Variants in RCBTB1 observed in about 807,000 individuals in gnomAD.
The protein encoded by RCBTB1 is RCC1 and BTB domain-containing protein 1.
RCBTB1 carries 46 observed loss-of-function variants against 62.4 expected under a neutral mutation model. The observed-to-expected ratio is 0.74, with a 90% CI of 0.58 to 0.94. The LOEUF (loss-of-function observed/expected upper bound fraction) is 0.94, where lower values mean the gene tolerates loss of function less well. Ranked by LOEUF, RCBTB1 falls within the 40% of genes least tolerant of loss-of-function variation. The probability of loss-of-function intolerance (pLI) is 0.00; values close to 1 mark genes in which losing one functional copy is unlikely to be tolerated. For synonymous variants in RCBTB1, 222 were observed against 245.8 expected, an observed-to-expected ratio of 0.90 and a Z score of 0.91; for missense variants, 565 against 654.9, an observed-to-expected ratio of 0.86 and a Z score of 1.50.
intron 9 of RCBTB1, among the ~76,000 whole-genome samples, chr13:49,547,825 G>C (rs539802390): frequency 6.6e-6 from 1 of 152,262 alleles, no homozygotes; most frequent in East Asian, 1.9e-4. Context: ...GTCTCGCTGT[G>C]TCACCCAGGC....
chr13:49,543,547 T>C (rs1332825820), intron 10 of RCBTB1, among the ~76,000 whole-genome samples: 1 of 152,236 alleles, frequency 6.6e-6, no homozygotes, highest in African/African-American at 2.4e-5. Flanking sequence ...TCTTTGCCAA[T>C]AGGTTTTTAC....
intron 11 of RCBTB1, among the ~76,000 whole-genome samples, chr13:49,541,352 G>A (rs1960347145): frequency 6.6e-6 from 1 of 151,746 alleles, no homozygotes; most frequent in Non-Finnish European, 1.5e-5. Context: ...TGGGTTGACA[G>A]GTACAGCAAA....
chr13:49,539,388 A>G (rs1643922137), intron 12 of RCBTB1: 1 of 152,228 alleles, frequency 6.6e-6, no homozygotes, highest in Admixed American at 6.5e-5. Flanking sequence ...CTGGCACAGG[A>G]AGCAGCAGCA....
chr13:49,559,967 TCCA>T lies in RCBTB1; in HGVS notation c.392_394del (p.Val131del). 1 of 1,614,142 alleles carries T rather than the reference TCCA, an allele frequency of 6.2e-7. No homozygotes were observed. Among genetic ancestry groups the T allele is most frequent in the Non-Finnish European group, 8.5e-7 (1 of 1,180,000 alleles). ...TGAATGATGTGAGCCACAAGCTACT[TCCA>T]CCACTTGCTTGATCAAGAGATTGGT... On this transcript the variant is annotated inframe_deletion, in exon 5 of 13. Coordinates refer to ENST00000378302, the MANE Select transcript of RCBTB1 (RefSeq NM_018191.4).
At chr13:49,550,806 C>T (rs1004318729) in intron 8 of RCBTB1, among the ~76,000 whole-genome samples, 1 of 152,138 alleles carries the variant, frequency 6.6e-6, no homozygotes, top group Non-Finnish European at 1.5e-5. Context: ...CTACTCAAAA[C>T]ACTTTTGCAT....
intron 12 of RCBTB1, among the ~76,000 whole-genome samples, chr13:49,538,410 GA>G (rs1401619390): frequency 6.6e-6 from 1 of 152,134 alleles, no homozygotes; most frequent in Non-Finnish European, 1.5e-5. Context: ...TGTAACCTAA[GA>G]AATACACCCT....
At chr13:49,553,394 C>T (rs554838595) in intron 6 of RCBTB1, among the ~76,000 whole-genome samples, 1 of 152,196 alleles carries the variant, frequency 6.6e-6, no homozygotes, top group East Asian at 1.9e-4. Flanking sequence ...TAGGTGAGCT[C>T]TGATGAGGCT....
intron 4 of RCBTB1, among the ~76,000 whole-genome samples, chr13:49,561,094 A>T (rs1183192475): frequency 1.3e-5 from 2 of 152,154 alleles, no homozygotes; most frequent in Non-Finnish European, 2.9e-5. Context: ...TTCTTTCCAC[A>T]GCACCCCCGA....
chr13:49,554,758 T>G (rs563540982), intron 6 of RCBTB1, among the ~76,000 whole-genome samples: 1 of 152,330 alleles, frequency 6.6e-6, no homozygotes, highest in East Asian at 1.9e-4. Flanking sequence ...TGGAACAGTT[T>G]CATCCCAAAA....
At chr13:49,578,709 G>A (rs563035910) in intron 2 of RCBTB1, among the ~76,000 whole-genome samples, 11 of 152,190 alleles carry the variant, frequency 7.2e-5, no homozygotes, top group Non-Finnish European at 1.6e-4. Context: ...ACAATTACAC[G>A]AAATCCCAGA....
intron 12 of RCBTB1, among the ~76,000 whole-genome samples, chr13:49,536,172 AT>A (rs1959928696): frequency 6.6e-6 from 1 of 152,314 alleles, no homozygotes; most frequent in Admixed American, 6.5e-5. Flanking sequence ...GTATCTGGGT[AT>A]GCAATAAATA....
intron 10 of RCBTB1, among the ~76,000 whole-genome samples, chr13:49,544,149 A>G (rs1224329564): frequency 1.3e-5 from 2 of 152,214 alleles, no homozygotes; most frequent in Non-Finnish European, 2.9e-5. Flanking sequence ...TCTGATGGAA[A>G]TGAGTATTCA....
At chr13:49,550,485 G>A (rs942871) in intron 8 of RCBTB1, 622,770 of 926,158 alleles carry the variant, frequency 0.67, 213,340 homozygotes, top group Admixed American at 0.7. Context: ...TAGGAGGTAA[G>A]ACCTTACAAT....
At chr13:49,541,410 C>A (rs1033785192) in intron 11 of RCBTB1, among the ~76,000 whole-genome samples, 1 of 151,374 alleles carries the variant, frequency 6.6e-6, no homozygotes, top group Non-Finnish European at 1.5e-5. Flanking sequence ...ACATCCTGCA[C>A]GTGTACCCCA....
intron 10 of RCBTB1, among the ~76,000 whole-genome samples, chr13:49,544,105 C>A (rs1340049744): frequency 6.6e-6 from 1 of 152,168 alleles, no homozygotes; most frequent in Admixed American, 6.5e-5. Flanking sequence ...CAATAACAAC[C>A]TTTTGTATTT....
chr13:49,540,964 T>C lies in RCBTB1; in HGVS notation c.1367A>G (p.Lys456Arg), dbSNP rs769185495. ...LATSYCENRL[K>R]KLCQHIIKRG... ...CTTGATAATGTGCTGACAAAGTTTT[T>C]TCAGTCTGTTTTCACAGTAAGATGT... The change falls in exon 12 of 13, where the codon AAA becomes AGA. Residue 456 changes from lysine (K) to arginine (R), a missense_variant. Transcript: ENST00000378302. 6.2e-7 allele frequency: 1 copy of C among 1,613,434 alleles called. No individual in the cohort carries two copies. Among genetic ancestry groups the C allele is most frequent in the East Asian group, 2.2e-5 (1 of 44,880 alleles).
At chr13:49,540,235 G>A (rs915289461) in intron 12 of RCBTB1, among the ~76,000 whole-genome samples, 1 of 152,180 alleles carries the variant, frequency 6.6e-6, no homozygotes, top group African/African-American at 2.4e-5. Flanking sequence ...ACAGACGAAT[G>A]AGACAGTTCC....
At chr13:49,546,837 C>T in intron 9 of RCBTB1, 1 of 480,374 alleles carries the variant, frequency 2.1e-6, no homozygotes, top group Non-Finnish European at 2.7e-6. Context: ...TGCCACTCAC[C>T]TCCTGCCGTG....
chr13:49,569,380 C>G (rs1224533768), intron 2 of RCBTB1, among the ~76,000 whole-genome samples: 2 of 151,920 alleles, frequency 1.3e-5, no homozygotes, highest in African/African-American at 4.8e-5. Context: ...TTGAGACCAG[C>G]CTGGGCAACA....
Sources: allele counts gnomAD v4.1 joint callset (sites outside exome capture counted in the v4.1 genomes callset), GRCh38; gene constraint gnomAD v4.1.1; transcripts MANE v1.5; gene names NCBI Gene and HGNC (gene_info 2026-07-23, HGNC 2026-07-21).